SCN3A: variants seen among roughly 807,000 people sequenced by gnomAD.
SCN3A encodes sodium voltage-gated channel alpha subunit 3, also known as sodium channel protein type 3 subunit alpha.
In SCN3A, 60 loss-of-function variants were observed where a neutral mutation model predicts 187.6. The ratio of observed to expected loss-of-function variants is 0.32; its 90% CI spans 0.26 to 0.40. The LOEUF is 0.40. Ranked by LOEUF, SCN3A falls within the 10% of genes least tolerant of loss-of-function variation. The pLI, the probability that SCN3A is intolerant of heterozygous loss-of-function variation, is 1.00. For synonymous variants in SCN3A, 788 were observed against 829.2 expected, an observed-to-expected ratio of 0.95 and a Z score of 0.85; for missense variants, 1,601 against 2,428.2, an observed-to-expected ratio of 0.66 and a Z score of 7.16.
rs1214418939 is a variant in SCN3A at position 165,090,912 on chromosome 2, C to T, written c.5241G>A (p.Gly1747=). ...VKGDCGNPSV[G]IFFFVSYIII... The stretch of plus-strand genomic sequence containing the variant: ...TGATGTAACTGACAAAAAAGAAAAT[C>T]CCAACAGATGGGTTCCCACAGTCTC... Residue 1747 remains glycine, a synonymous_variant, in exon 28 of 28, where the codon GGG becomes GGA. Transcript: ENST00000283254. This position sits in a 1 kb window ranked among gnomAD's most constrained non-coding sequence, Gnocchi z 4.0. 3 of 1,614,072 alleles carry T rather than the reference C, an allele frequency of 1.9e-6. No homozygotes were observed. Among genetic ancestry groups the T allele is most frequent in the Non-Finnish European group, 2.5e-6 (3 of 1,179,994 alleles).
intron 15 of SCN3A, among the ~76,000 whole-genome samples, chr2:165,137,432 T>C (rs1687730775): frequency 6.6e-6 from 1 of 152,188 alleles, no homozygotes. Context: ...TGTATGATTA[T>C]CACTGAAGCT....
rs577866685 is a variant in SCN3A, at chr2:165,107,971, G to A, written c.3843+4914C>T. ...TCCAGCTTGGCCACTTATTAGTTCC[G>A]TTAACATGGGAAAGTAACTTAACCT... On this transcript the variant is annotated intron_variant, in intron 21 of 27. Coordinates refer to ENST00000283254, the MANE Select transcript of SCN3A (RefSeq NM_006922.4). 8.5e-5 allele frequency among the ~76,000 whole-genome samples: 13 copies of A among 152,238 alleles called. No individual in the cohort carries two copies. In the South Asian group the frequency reaches 1.5e-3, roughly 17 times the overall value.
Position 165,164,438 on chromosome 2 carries a change from G to C in SCN3A, c.556C>G (p.Leu186Val), listed in dbSNP as rs1689610708. 1 of 1,613,750 alleles carries C rather than the reference G, an allele frequency of 6.2e-7. No homozygotes were observed. The highest frequency in any genetic ancestry group is 1.1e-5 in the South Asian group (1 of 91,066). The change falls in exon 6 of 28, where the codon CTT (leucine) becomes GTT (valine). Residue 186 changes from leucine (L) to valine (V), a missense_variant. Coordinates refer to ENST00000283254, the MANE Select transcript of SCN3A (RefSeq NM_006922.4). ...TCCAGCCAGTTCCATGGATCACGAA[G>C]AAACGTAAAATCTTCTAAGCAAAAC... is the stretch of plus-strand genomic sequence containing the variant. ...RGFCLEDFTF[L>V]RDPWNWLDFS...
rs536026476 is a variant in SCN3A at position 165,130,344 on chromosome 2, T to G, written c.2566-48A>C. The G allele has an allele frequency of 2.5e-6, 4 of 1,584,198 alleles. 1 individual carries two copies. In the South Asian group the frequency reaches 4.4e-5, roughly 18 times the overall value. ...TGTTAGTAGTAATCATAATATAATT[T>G]TAGACATTATTTTATTAGTATGTGG... is the stretch of plus-strand genomic sequence containing the variant. On this transcript the variant is annotated intron_variant, in intron 16 of 27. Coordinates refer to ENST00000283254, the MANE Select transcript of SCN3A (RefSeq NM_006922.4).
intron 15 of SCN3A, among the ~76,000 whole-genome samples, chr2:165,132,413 G>A (rs1341380091): frequency 1.3e-5 from 2 of 152,128 alleles, no homozygotes; most frequent in Non-Finnish European, 2.9e-5. Flanking sequence ...AAACAGCATG[G>A]TACTTGTACC....
Position 165,137,885 on chromosome 2 carries a change from T to C in SCN3A, c.2385A>G (p.Gly795=). The change falls in exon 15 of 28, where the codon GGA becomes GGG. Residue 795 remains glycine, a synonymous_variant. Coordinates refer to ENST00000283254, the MANE Select transcript of SCN3A (RefSeq NM_006922.4). The part of the protein sequence containing the change: ...TEQFSSVLTV[G]NLVFTGIFTA... ...AAACTTCAAATGTACTTACCAGGTTTCCTACAGTCAACACACTACTGAATT... is the reference window on the plus strand; with the variant it reads ...AAACTTCAAATGTACTTACCAGGTTCCCTACAGTCAACACACTACTGAATT... The C allele has an allele frequency of 6.2e-7, 1 of 1,606,648 alleles. No homozygotes were observed. Among genetic ancestry groups the C allele is most frequent in the Non-Finnish European group, 8.5e-7 (1 of 1,173,304 alleles).
chr2:165,130,033 C>T lies in SCN3A; in HGVS notation c.2829G>A (p.Glu943=). The change falls in exon 17 of 28, where the codon GAG becomes GAA. Residue 943 remains glutamate (E), a synonymous_variant. Coordinates refer to ENST00000283254, the MANE Select transcript of SCN3A (RefSeq NM_006922.4). ...TACAGTCCCACATGGTCTCTATCCA[C>T]TCTCCACACAGCACGCGGAACACAA... is the stretch of plus-strand genomic sequence containing the variant. ...FLIVFRVLCG[E]WIETMWDCME... The T allele has an allele frequency of 6.2e-7, 1 of 1,614,210 alleles. No individual in the cohort carries two copies. Among genetic ancestry groups the T allele is most frequent in the African/African-American group, 1.3e-5 (1 of 75,062 alleles).
chr2:165,128,122 T>C (rs760259275), intron 17 of SCN3A, 21 bp from the exon 18 acceptor site: 1 of 1,566,078 alleles, frequency 6.4e-7, no homozygotes, highest in South Asian at 1.2e-5. Context: ...AAAAGAAAAA[T>C]GTCTATTTTA....
At chr2:165,153,213 T>G (rs1688798810) in intron 11 of SCN3A, among the ~76,000 whole-genome samples, 1 of 152,066 alleles carries the variant, frequency 6.6e-6, no homozygotes, top group African/African-American at 2.4e-5. Flanking sequence ...ATATTTTGTT[T>G]TTATGCAGTT....
chr2:165,131,172 T>C, intron 16 of SCN3A, 72 bp downstream of exon 16: 31 of 913,764 alleles, frequency 3.4e-5, no homozygotes, highest in Non-Finnish European at 4.5e-5. Context: ...AATAATTATA[T>C]AAATATACAT....
intron 21 of SCN3A, among the ~76,000 whole-genome samples, chr2:165,110,653 C>G (rs184814414): frequency 3.1e-4 from 47 of 152,268 alleles, no homozygotes; most frequent in African/African-American, 1.1e-3. Flanking sequence ...ACTCTGAGGA[C>G]AAGCTGTTAT....
intron 21 of SCN3A, among the ~76,000 whole-genome samples, chr2:165,111,465 C>T (rs944086468): frequency 6.7e-6 from 1 of 150,320 alleles, no homozygotes; most frequent in Admixed American, 6.7e-5. Flanking sequence ...ATCTCAAAGC[C>T]AGTCTGATGC....
intron 2 of SCN3A, among the ~76,000 whole-genome samples, chr2:165,183,393 A>C (rs1271249105): frequency 2.0e-5 from 3 of 152,236 alleles, no homozygotes; most frequent in African/African-American, 2.4e-5. Context: ...GCTGTATATA[A>C]ATAACTACAG....
intron 21 of SCN3A, among the ~76,000 whole-genome samples, chr2:165,107,223 C>T (rs1420289118): frequency 6.6e-6 from 1 of 151,954 alleles, no homozygotes; most frequent in African/African-American, 2.4e-5. Context: ...CTATTAAAAG[C>T]CATACTCTTT....
chr2:165,148,573 T>C (rs1688493041), intron 11 of SCN3A, among the ~76,000 whole-genome samples: 1 of 152,072 alleles, frequency 6.6e-6, no homozygotes, highest in Non-Finnish European at 1.5e-5. Flanking sequence ...ATTACAATGA[T>C]CTCAGGGAGG....
In SCN3A at chr2:165,164,539, C is replaced by T; in HGVS notation, c.474-19G>A. ...TGTGTACCTAGGAAAAACATCCAAGCCAAAATTAACAATTTTGCTTGAACT... is the reference window on the plus strand; with the variant it reads ...TGTGTACCTAGGAAAAACATCCAAGTCAAAATTAACAATTTTGCTTGAACT... On this transcript the variant is annotated intron_variant, in intron 5 of 27. Coordinates refer to ENST00000283254, the MANE Select transcript of SCN3A (RefSeq NM_006922.4). 6.2e-7 allele frequency: 1 copy of T among 1,612,822 alleles called. No homozygotes were observed. Among genetic ancestry groups the T allele is most frequent in the East Asian group, 2.2e-5 (1 of 44,764 alleles).
At chr2:165,161,334 T>C (rs1689384920) in intron 9 of SCN3A, among the ~76,000 whole-genome samples, 1 of 151,954 alleles carries the variant, frequency 6.6e-6, no homozygotes, top group Non-Finnish European at 1.5e-5. Flanking sequence ...TAAACTAAGG[T>C]ACAGAGAGCT....
At chr2:165,171,587 A>G (rs1690105496) in intron 3 of SCN3A, among the ~76,000 whole-genome samples, 1 of 152,166 alleles carries the variant, frequency 6.6e-6, no homozygotes, top group Non-Finnish European at 1.5e-5. Flanking sequence ...CCAATATGCA[A>G]TCAAGGTTGA....
At chr2:165,182,731 A>AGAT (rs748520311) in intron 2 of SCN3A, among the ~76,000 whole-genome samples, 3 of 152,166 alleles carry the variant, frequency 2.0e-5, no homozygotes, top group Non-Finnish European at 4.4e-5. Context: ...GTTCAGTTTG[A>AGAT]GATAGCTGTG....
Sources: gnomAD v4.1 joint callset for allele counts (sites outside exome capture counted in the v4.1 genomes callset) on GRCh38, gnomAD v4.1.1 for gene constraint, Gnocchi (gnomAD v3.1) non-coding constraint, MANE v1.5 for transcripts, NCBI Gene and HGNC (gene_info 2026-07-23, HGNC 2026-07-21) for gene names.